The following WWOX variants were observed in gnomAD, a reference collection of about 807,000 sequenced individuals.
The protein encoded by WWOX is WW domain-containing oxidoreductase.
A neutral mutation model predicts 46.2 loss-of-function variants in WWOX; 69 were observed. The ratio of observed to expected loss-of-function variants is 1.49; its 90% CI spans 1.23 to 1.82. The LOEUF is 1.82. WWOX is among the 40% of genes most tolerant of loss of function. WWOX has a pLI of 0.00. For synonymous variants in WWOX, 359 were observed against 202.6 expected, an observed-to-expected ratio of 1.77 and a Z score of -6.56; for missense variants, 919 against 542.6, an observed-to-expected ratio of 1.69 and a Z score of -6.89.
intron 8 of WWOX, among the ~76,000 whole-genome samples, chr16:78,769,765 G>C (rs2050018849): frequency 6.6e-6 from 1 of 151,400 alleles, no homozygotes; most frequent in African/African-American, 2.4e-5. Flanking sequence ...CCAGCACTTT[G>C]GAAGGCCAAG....
chr16:78,716,154 C>T lies in WWOX; in HGVS notation c.1056+283402C>T, dbSNP rs149719712. Among the ~76,000 whole-genome samples the T allele has an allele frequency of 2.6e-3, 402 of 152,026 alleles. 2 individuals carry two copies. The highest frequency in any genetic ancestry group is 3.4e-3 in the Non-Finnish European group (233 of 67,968). On this transcript the variant is annotated intron_variant, in intron 8 of 8. Transcript: ENST00000566780. The stretch of plus-strand genomic sequence containing the variant: ...TGCACATAAAGGGGAATTTTGGGCA[C>T]AGAGACAGAGGCAGAGATAGAGGGA...
chr16:78,977,352 G>A (rs1205328860), intron 8 of WWOX, among the ~76,000 whole-genome samples: 1 of 152,180 alleles, frequency 6.6e-6, no homozygotes, highest in Non-Finnish European at 1.5e-5. Flanking sequence ...AGATCCTCCA[G>A]ATCCTGTTCA....
intron 5 of WWOX, among the ~76,000 whole-genome samples, chr16:78,177,189 T>C (rs2035378578): frequency 6.6e-6 from 1 of 152,256 alleles, no homozygotes; most frequent in Non-Finnish European, 1.5e-5. Context: ...TATCTTTGCT[T>C]ATGAAAATCA....
chr16:78,736,541 A>C (rs140969690), intron 8 of WWOX, among the ~76,000 whole-genome samples: 1 of 152,148 alleles, frequency 6.6e-6, no homozygotes, highest in African/African-American at 2.4e-5. Context: ...TATCCATGGC[A>C]CACAATGTTT....
intron 6 of WWOX, among the ~76,000 whole-genome samples, chr16:78,389,519 A>AG (rs2151936142): frequency 6.6e-6 from 1 of 152,276 alleles, no homozygotes; most frequent in African/African-American, 2.4e-5. Flanking sequence ...TCATTTACTG[A>AG]GGGCTTATGG....
intron 8 of WWOX, among the ~76,000 whole-genome samples, chr16:79,143,684 G>A (rs1597414860): frequency 6.6e-6 from 1 of 152,150 alleles, no homozygotes; most frequent in African/African-American, 2.4e-5. Context: ...TATGTCTTGT[G>A]TGTGGTGACT....
At chr16:78,491,454 G>A (rs1229894132) in intron 8 of WWOX, among the ~76,000 whole-genome samples, 4 of 152,066 alleles carry the variant, frequency 2.6e-5, no homozygotes, top group South Asian at 2.1e-4. Context: ...AGTGGTACTC[G>A]ATGTGTTGTT....
intron 5 of WWOX, among the ~76,000 whole-genome samples, chr16:78,365,353 C>T (rs1420456047): frequency 6.6e-6 from 1 of 152,084 alleles, no homozygotes; most frequent in Non-Finnish European, 1.5e-5. Flanking sequence ...TTTTTACTTG[C>T]TGGATAGTGG....
At chr16:78,371,221 G>A (rs531630649) in intron 5 of WWOX, among the ~76,000 whole-genome samples, 3 of 152,086 alleles carry the variant, frequency 2.0e-5, no homozygotes, top group East Asian at 1.9e-4. Context: ...TGACATCACT[G>A]TACTAAAATT....
At chr16:78,371,845 C>A (rs1021449472) in intron 5 of WWOX, among the ~76,000 whole-genome samples, 2 of 151,960 alleles carry the variant, frequency 1.3e-5, no homozygotes, top group Non-Finnish European at 2.9e-5. Context: ...CTCTTTTAAT[C>A]ATGTGTGTTA....
chr16:78,353,946 C>A lies in WWOX; in HGVS notation c.517-32914C>A, dbSNP rs115537039. On this transcript the variant is annotated intron_variant, in intron 5 of 8. Transcript: ENST00000566780. ...TTTATTTCCTTAAGTGAACATCTGT[C>A]TAATTGTTCACCTCCATCGCTTTCG... Among the ~76,000 whole-genome samples the A allele has an allele frequency of 6.6e-3, 1,011 of 152,328 alleles. 6 individuals carry two copies. The highest frequency in any genetic ancestry group is 0.023 in the African/African-American group (968 of 41,566).
Position 78,164,293 on chromosome 16 carries a change from A to T in WWOX, c.516+4A>T. On this transcript the variant is annotated splice_donor_region_variant and intron_variant, in intron 5 of 8. Coordinates refer to ENST00000566780, the MANE Select transcript of WWOX (RefSeq NM_016373.4). ...GTCACGCATTTTAGAAGAATGGGTA[A>T]GTGCTTGACTGTTGTTGTTTTTTTT... 6.2e-7 allele frequency: 1 copy of T among 1,613,528 alleles called. No homozygotes were observed. Among genetic ancestry groups the T allele is most frequent in the Non-Finnish European group, 8.5e-7 (1 of 1,179,670 alleles).
intron 8 of WWOX, among the ~76,000 whole-genome samples, chr16:79,052,230 C>T (rs1430016945): frequency 1.3e-5 from 2 of 150,798 alleles, no homozygotes; most frequent in Non-Finnish European, 3.0e-5. Context: ...TGATATTCCC[C>T]TTCCTGTGTC....
chr16:78,464,922 A>G (rs777765250), intron 8 of WWOX, among the ~76,000 whole-genome samples: 4 of 152,236 alleles, frequency 2.6e-5, no homozygotes, highest in Non-Finnish European at 5.9e-5. Context: ...AAAGAGATTT[A>G]CTGAACTCAG....
intron 8 of WWOX, among the ~76,000 whole-genome samples, chr16:78,952,732 G>A (rs115738291): frequency 3.3e-5 from 5 of 152,016 alleles, no homozygotes; most frequent in South Asian, 2.1e-4. Context: ...CTGACAGTAC[G>A]CTCCGTAGGG....
chr16:78,926,652 A>G (rs1281113650), intron 8 of WWOX, among the ~76,000 whole-genome samples: 1 of 152,178 alleles, frequency 6.6e-6, no homozygotes. Context: ...TGGGCAGCAT[A>G]CACTGGTATG....
intron 8 of WWOX, among the ~76,000 whole-genome samples, chr16:79,002,977 A>C (rs1452942257): frequency 6.6e-6 from 1 of 152,192 alleles, no homozygotes; most frequent in African/African-American, 2.4e-5. Flanking sequence ...ATCGCTCAGA[A>C]AATCATTTAA....
intron 8 of WWOX, among the ~76,000 whole-genome samples, chr16:79,074,419 T>TTTA (rs1387480998): frequency 8.1e-6 from 1 of 123,952 alleles, no homozygotes; most frequent in East Asian, 2.3e-4. Flanking sequence ...CTTTTTTTTT[T>TTTA]TTTTTTTTTT....
chr16:78,345,369 C>G lies in WWOX; in HGVS notation c.517-41491C>G, dbSNP rs1019255208. On this transcript the variant is annotated intron_variant, in intron 5 of 8. Coordinates refer to ENST00000566780, the MANE Select transcript of WWOX (RefSeq NM_016373.4). Reference sequence around the variant, plus strand: ...GACATGCTGGCTCATACCTTTAATCCCAGCACTTTGCGAGGCCAAGGTGGG... The same window carrying G: ...GACATGCTGGCTCATACCTTTAATCGCAGCACTTTGCGAGGCCAAGGTGGG... Among the ~76,000 whole-genome samples, 7 of 101,846 alleles carry G rather than the reference C, an allele frequency of 6.9e-5. 2 individuals carry two copies. 66.8% of individuals were successfully genotyped at this position (101,846 alleles called of 152,430 possible).
Sources: allele counts gnomAD v4.1 joint callset (sites outside exome capture counted in the v4.1 genomes callset), GRCh38; gene constraint gnomAD v4.1.1; transcripts MANE v1.5; gene names NCBI Gene and HGNC (gene_info 2026-07-23, HGNC 2026-07-21).